THUMPD3: variants seen among roughly 807,000 people sequenced by gnomAD.
THUMPD3 encodes the protein THUMP domain 3 tRNA guanosine methyltransferase, also known as tRNA (guanine(6)-N(2))-methyltransferase THUMP3.
Under a neutral mutation model 54.5 loss-of-function variants are expected in THUMPD3, and 44 were observed. The observed-to-expected ratio is 0.81, with a 90% CI of 0.63 to 1.04. The LOEUF is 1.04. Ranked by LOEUF, THUMPD3 falls within the 50% of genes least tolerant of loss-of-function variation. The pLI is 0.00. For synonymous variants in THUMPD3, 196 were observed against 201.4 expected (o/e 0.97, Z 0.23); for missense variants, 604 against 601.3 (o/e 1.00, Z -0.05).
At position 9,371,524 on chromosome 3, in the gene THUMPD3, C is replaced by G. The variant is rs1490961766; in HGVS notation, c.795C>G (p.Asn265Lys). The G allele has an allele frequency of 6.2e-7, 1 of 1,612,174 alleles. No homozygotes were observed. The highest frequency in any genetic ancestry group is 2.2e-5 in the East Asian group (1 of 44,876). ...TTAAGTGGAAGGCCGACATGACCAA[C>G]TTTGATGTGGAGGTAGGTATAGGCT... ...DYFKWKADMT[N>K]FDVEVLLNIH... The change falls in exon 4 of 10, where the codon AAC becomes AAG. Residue 265 changes from asparagine (N) to lysine (K), a missense_variant. Physicochemically the swap from Asn to Lys is moderately conservative, Grantham distance 94. Coordinates refer to ENST00000452837, the MANE Select transcript of THUMPD3 (RefSeq NM_001114092.2).
chr3:9,367,981 C>T lies in THUMPD3; in HGVS notation c.330+996C>T, dbSNP rs1379124287. ...TCAGGAGGCTGAGGCAGGAGAATGG[C>T]GTGAACCCGGGAGGCGGAGCTGGCA... On this transcript the variant is annotated intron_variant, in intron 3 of 9. Coordinates refer to ENST00000452837, the MANE Select transcript of THUMPD3 (RefSeq NM_001114092.2). Among the ~76,000 whole-genome samples, 3 of 151,968 alleles carry T rather than the reference C, an allele frequency of 2.0e-5. No homozygotes were observed. The East Asian group carries it at 5.8e-4, about 29-fold the overall frequency.
intron 5 of THUMPD3, among the ~76,000 whole-genome samples, chr3:9,377,034 A>AT (rs1391710826): frequency 6.6e-6 from 1 of 152,118 alleles, no homozygotes; most frequent in Non-Finnish European, 1.5e-5. Flanking sequence ...CCACAGAGCA[A>AT]TTTTTTTATA....
At chr3:9,378,919 G>A (rs918661026) in intron 6 of THUMPD3, among the ~76,000 whole-genome samples, 3 of 151,976 alleles carry the variant, frequency 2.0e-5, no homozygotes, top group African/African-American at 7.3e-5. Flanking sequence ...TAAGGTCACC[G>A]CATGTCAAGA....
At chr3:9,369,060 C>A (rs1300436274) in intron 3 of THUMPD3, among the ~76,000 whole-genome samples, 1 of 151,516 alleles carries the variant, frequency 6.6e-6, no homozygotes, top group Non-Finnish European at 1.5e-5. Flanking sequence ...ACCTGTAATC[C>A]CAGCACTTTG....
chr3:9,382,019 A>C (rs572343474), intron 7 of THUMPD3, among the ~76,000 whole-genome samples: 2 of 151,400 alleles, frequency 1.3e-5, no homozygotes, highest in Non-Finnish European at 2.9e-5. Context: ...TCCTGACCTC[A>C]TGATCTGCCC....
chr3:9,377,921 T>C, intron 6 of THUMPD3, 33 bp downstream of exon 6: 7 of 1,547,810 alleles, frequency 4.5e-6, no homozygotes, highest in Non-Finnish European at 6.2e-6. Flanking sequence ...TAGATAAGAG[T>C]GATACATCCA....
chr3:9,385,996 C>T lies in THUMPD3; in HGVS notation c.*1308C>T, dbSNP rs1420200509. Reference sequence around the variant, plus strand: ...TTGTTTATTTTGGAGCCTCTGGCTGCAATCAGTATAGATTTTCAGTATCCT... The same window carrying T: ...TTGTTTATTTTGGAGCCTCTGGCTGTAATCAGTATAGATTTTCAGTATCCT... On this transcript the variant is annotated 3_prime_UTR_variant, in exon 10 of 10. Coordinates refer to ENST00000452837, the MANE Select transcript of THUMPD3 (RefSeq NM_001114092.2). The T allele has an allele frequency of 6.6e-6, 1 of 152,110 alleles. No individual in the cohort carries two copies. Among genetic ancestry groups the T allele is most frequent in the Admixed American group, 6.5e-5 (1 of 15,272 alleles). 9.4% of individuals were successfully genotyped at this position (152,110 alleles called of 1,614,324 possible). A position where few individuals can be genotyped will look rare whatever the true frequency, so the allele number is the denominator to read the frequency against.
chr3:9,384,250 C>T lies in THUMPD3; in HGVS notation c.1274C>T (p.Ala425Val). 2 of 1,614,186 alleles carry T rather than the reference C, an allele frequency of 1.2e-6. No individual in the cohort carries two copies. Among genetic ancestry groups the T allele is most frequent in the South Asian group, 1.1e-5 (1 of 91,088 alleles). The part of the protein sequence containing the change: ...SKKRNWNLYP[A>V]CLREMSRVCT... ...AAGAGAAACTGGAACCTTTATCCAG[C>T]TTGCCTACGGGAGATGAGCCGTGTC... Residue 425 changes from alanine (A) to valine (V), a missense_variant, in exon 9 of 10, where the codon GCT (alanine) becomes GTT (valine). Ala to Val is a moderately conservative substitution (Grantham distance 64). Coordinates refer to ENST00000452837, the MANE Select transcript of THUMPD3 (RefSeq NM_001114092.2).
intron 1 of THUMPD3, 90 bp from the exon 2 acceptor site, chr3:9,364,926 T>C: frequency 1.8e-6 from 2 of 1,105,692 alleles, no homozygotes; most frequent in Non-Finnish European, 2.6e-6. Flanking sequence ...TGTGTTGCCT[T>C]GTTCTTCCTG....
intron 3 of THUMPD3, among the ~76,000 whole-genome samples, chr3:9,367,836 C>T (rs1180863468): frequency 3.9e-5 from 6 of 152,002 alleles, no homozygotes; most frequent in African/African-American, 7.3e-5. Context: ...GAGGCCGAGG[C>T]GGGTGGATCA....
chr3:9,383,236 T>C lies in THUMPD3; in HGVS notation c.1162T>C (p.Trp388Arg). The C allele has an allele frequency of 6.2e-7, 1 of 1,614,094 alleles. No individual in the cohort carries two copies. The highest frequency in any genetic ancestry group is 8.5e-7 in the Non-Finnish European group (1 of 1,179,942). The change falls in exon 8 of 10, where the codon TGG (tryptophan) becomes CGG (arginine). Residue 388 changes from tryptophan (W) to arginine (R), a missense_variant. Coordinates refer to ENST00000452837, the MANE Select transcript of THUMPD3 (RefSeq NM_001114092.2). ...SWGLPIDAVQ[W>R]DICNLPLRTG... Reference sequence around the variant, plus strand: ...GGGCTTGCCCATAGATGCTGTTCAGTGGGATATCTGCAATCTGCCATTGAG... The same window carrying C: ...GGGCTTGCCCATAGATGCTGTTCAGCGGGATATCTGCAATCTGCCATTGAG...
rs1234203385 is a variant in THUMPD3, at chr3:9,386,783, A to T, written c.*2095A>T. On this transcript the variant is annotated 3_prime_UTR_variant, in exon 10 of 10. Transcript: ENST00000452837. The stretch of plus-strand genomic sequence containing the variant: ...GATGGGGAAATAAATCTGTAATCTG[A>T]ACATGGAATGACTTAGTTACAGACC... 1 of 152,200 alleles carries T rather than the reference A, an allele frequency of 6.6e-6. No homozygotes were observed. The highest frequency in any genetic ancestry group is 2.4e-5 in the African/African-American group (1 of 41,464). The allele number at this position is 152,200 out of a possible 1,614,324, so 9.4% of individuals were successfully genotyped here.
intron 7 of THUMPD3, 93 bp downstream of exon 7, chr3:9,380,711 C>T (rs912822251): frequency 2.6e-5 from 21 of 796,060 alleles, no homozygotes; most frequent in Middle Eastern, 2.3e-4. Context: ...TGCATTGTGA[C>T]GTCATTGTAA....
chr3:9,374,339 GC>G (rs1676363071), intron 4 of THUMPD3, among the ~76,000 whole-genome samples, 176 bp from the exon 5 acceptor site: 1 of 151,934 alleles, frequency 6.6e-6, no homozygotes, highest in South Asian at 2.1e-4. Context: ...GGGCTGTGGT[GC>G]GCTATGCCAA....
chr3:9,384,814 G>C lies in THUMPD3; in HGVS notation c.*126G>C. 1.8e-6 allele frequency: 2 copies of C among 1,112,486 alleles called. No homozygotes were observed. The highest frequency in any genetic ancestry group is 5.0e-5 in the East Asian group (2 of 40,388). The allele number at this position is 1,112,486 out of a possible 1,614,324, so 68.9% of individuals were successfully genotyped here. A position where few individuals can be genotyped will look rare whatever the true frequency, so the allele number is the denominator to read the frequency against. ...AAACCTGTTTAAGGCTCTTCATCCT[G>C]GTTAGCAAAAGGTGTGAATGTAATG... On this transcript the variant is annotated 3_prime_UTR_variant, in exon 10 of 10. Coordinates refer to ENST00000452837, the MANE Select transcript of THUMPD3 (RefSeq NM_001114092.2).
Position 9,365,262 on chromosome 3 carries a change from A to G in THUMPD3, c.194A>G (p.Lys65Arg), listed in dbSNP as rs1310574756. 1 of 1,614,100 alleles carries G rather than the reference A, an allele frequency of 6.2e-7. No homozygotes were observed. Among genetic ancestry groups the G allele is most frequent in the Non-Finnish European group, 8.5e-7 (1 of 1,180,054 alleles). Residue 65 changes from lysine to arginine, a missense_variant, in exon 2 of 10, where the codon AAA (lysine) becomes AGA (arginine). By Grantham distance (26) the Lys-to-Arg change is conservative. Transcript: ENST00000452837. ...AGAGAGAAACTTGGGTCATCATGCA[A>G]AATCAGCAGAGACCGTGGCAAGATA... Reference protein sequence around the residue: ...EVREKLGSSCKISRDRGKIYF... With the variant: ...EVREKLGSSCRISRDRGKIYF...
intron 7 of THUMPD3, 174 bp from the exon 8 acceptor site, chr3:9,383,025 C>G (rs2033040810): frequency 4.0e-6 from 2 of 501,016 alleles, no homozygotes; most frequent in Non-Finnish European, 7.3e-6. Flanking sequence ...CCATGCCCAG[C>G]CTGACCTATT....
At chr3:9,374,849 T>C (rs554822425) in intron 5 of THUMPD3, among the ~76,000 whole-genome samples, 1 of 152,278 alleles carries the variant, frequency 6.6e-6, no homozygotes, top group African/African-American at 2.4e-5. Flanking sequence ...GCTTAATAGG[T>C]GGCTCAGTTT....
chr3:9,374,159 A>G (rs2032275434), intron 4 of THUMPD3, among the ~76,000 whole-genome samples: 1 of 152,228 alleles, frequency 6.6e-6, no homozygotes, highest in South Asian at 2.1e-4. Flanking sequence ...GAAATCATAT[A>G]GTATATAGTT....
Sources: allele counts gnomAD v4.1 joint callset (sites outside exome capture counted in the v4.1 genomes callset), GRCh38; gene constraint gnomAD v4.1.1; transcripts MANE v1.5; gene names NCBI Gene and HGNC (gene_info 2026-07-23, HGNC 2026-07-21).